Variants in ARHGEF3 observed in about 807,000 individuals in gnomAD.
ARHGEF3 encodes Rho guanine nucleotide exchange factor 3.
Under a neutral mutation model 63.2 loss-of-function variants are expected in ARHGEF3, and 28 were observed. The ratio of observed to expected loss-of-function variants is 0.44; its 90% confidence interval spans 0.33 to 0.61. ARHGEF3 has a LOEUF of 0.61. Among genes scored for constraint, ARHGEF3 ranks in the 20% least tolerant of loss-of-function variants. The probability of loss-of-function intolerance (pLI) is 0.03; values close to 1 mark genes in which losing one functional copy is unlikely to be tolerated. For missense variants in ARHGEF3, 533 were observed against 659.3 expected (o/e 0.81, Z 2.10); for synonymous variants, 266 against 254.2 (o/e 1.05, Z -0.44).
intron 1 of ARHGEF3, among the ~76,000 whole-genome samples, chr3:57,064,308 CT>C (rs138078621): frequency 8.0e-5 from 12 of 149,186 alleles, no homozygotes; most frequent in East Asian, 7.8e-4. Context: ...GAAATTCTTT[CT>C]TTTTTTTTTC....
chr3:56,875,521 A>G (rs1324548322), intron 4 of ARHGEF3, among the ~76,000 whole-genome samples: 1 of 152,238 alleles, frequency 6.6e-6, no homozygotes, highest in Non-Finnish European at 1.5e-5. Context: ...ACAGATCACA[A>G]CTATACCATA....
At chr3:56,961,578 G>A (rs1236872826) in intron 2 of ARHGEF3, among the ~76,000 whole-genome samples, 1 of 152,154 alleles carries the variant, frequency 6.6e-6, no homozygotes, top group East Asian at 1.9e-4. Flanking sequence ...AAAAGCATCA[G>A]AGCAAATCTG....
intron 1 of ARHGEF3, among the ~76,000 whole-genome samples, chr3:57,076,254 T>A (rs1579232983): frequency 6.6e-6 from 1 of 150,594 alleles, no homozygotes; most frequent in African/African-American, 2.4e-5. Context: ...GAAGGGTTAC[T>A]AAACTATGGC....
intron 9 of ARHGEF3, among the ~76,000 whole-genome samples, chr3:56,730,509 C>T (rs1276988736): frequency 6.6e-6 from 1 of 151,442 alleles, no homozygotes; most frequent in Non-Finnish European, 1.5e-5. Context: ...TCCTGAGTAG[C>T]TGGGATTACA....
intron 1 of ARHGEF3, among the ~76,000 whole-genome samples, chr3:57,077,734 A>T (rs1395640587): frequency 6.6e-6 from 1 of 152,112 alleles, no homozygotes; most frequent in Non-Finnish European, 1.5e-5. Flanking sequence ...CCTCCCCCCA[A>T]CCAAGAGGCA....
chr3:56,966,178 C>T (rs1311493946), intron 2 of ARHGEF3, among the ~76,000 whole-genome samples: 1 of 152,152 alleles, frequency 6.6e-6, no homozygotes, highest in East Asian at 1.9e-4. Context: ...ATGATTACCT[C>T]CAGGGAGAGA....
At chr3:56,855,142 G>A (rs970633526) in intron 4 of ARHGEF3, among the ~76,000 whole-genome samples, 3 of 152,094 alleles carry the variant, frequency 2.0e-5, no homozygotes, top group African/African-American at 4.8e-5. Flanking sequence ...GGCTGAGGTG[G>A]GTGGAGAGGA....
intron 1 of ARHGEF3, among the ~76,000 whole-genome samples, chr3:57,068,767 T>C (rs1386421669): frequency 6.6e-6 from 1 of 152,148 alleles, no homozygotes; most frequent in Non-Finnish European, 1.5e-5. Flanking sequence ...CTTCCTTGTT[T>C]TGGGGTTAGG....
chr3:57,047,919 C>T (rs1256631017), intron 1 of ARHGEF3, among the ~76,000 whole-genome samples: 1 of 152,050 alleles, frequency 6.6e-6, no homozygotes, highest in African/African-American at 2.4e-5. Context: ...ACTAAAATAC[C>T]CATGAGGAAC....
At chr3:56,979,323 GATATA>G (rs1161305449) in intron 2 of ARHGEF3, among the ~76,000 whole-genome samples, 10 of 152,226 alleles carry the variant, frequency 6.6e-5, no homozygotes, top group Non-Finnish European at 1.2e-4. Flanking sequence ...CTGAGACCCA[GATATA>G]TTCAACTGTT....
chr3:57,022,137 G>A (rs1703285566), intron 2 of ARHGEF3, among the ~76,000 whole-genome samples: 2 of 152,032 alleles, frequency 1.3e-5, no homozygotes, highest in Admixed American at 6.6e-5. Context: ...AGCCGGGCAC[G>A]GTGGCATGTG....
At chr3:56,804,895 A>G (rs1159191249), upstream of ARHGEF3, among the ~76,000 whole-genome samples, 1 of 152,166 alleles carries the variant, frequency 6.6e-6, no homozygotes, top group Non-Finnish European at 1.5e-5. Flanking sequence ...AGGCAGTGAC[A>G]TGCGTCACTC....
chr3:57,038,647 G>C (rs1704055699), intron 1 of ARHGEF3, among the ~76,000 whole-genome samples: 1 of 152,148 alleles, frequency 6.6e-6, no homozygotes, highest in African/African-American at 2.4e-5. Context: ...GTCTTGCTAT[G>C]TTGCCCAGGC....
At chr3:56,876,202 G>A (rs1370086512) in intron 4 of ARHGEF3, among the ~76,000 whole-genome samples, 2 of 152,182 alleles carry the variant, frequency 1.3e-5, no homozygotes, top group Admixed American at 1.3e-4. Flanking sequence ...AGGTGGAAGG[G>A]AGTGGTTCAG....
At position 56,947,844 on chromosome 3, in the gene ARHGEF3, C is replaced by A. The variant is rs34967535; in HGVS notation, c.129+10979G>T. ...ATATACATTCTTCTCAGCACCACACCGCACTTATTCCAAAATTGACCACAT... is the reference window on the plus strand; with the variant it reads ...ATATACATTCTTCTCAGCACCACACAGCACTTATTCCAAAATTGACCACAT... On this transcript the variant is annotated intron_variant, in intron 3 of 12. Coordinates refer to the ARHGEF3 transcript ENST00000338458. Among the ~76,000 whole-genome samples, 184 of 152,036 alleles carry A rather than the reference C, an allele frequency of 1.2e-3. 1 individual carries two copies. The highest frequency in any genetic ancestry group is 4.0e-3 in the African/African-American group (168 of 41,510).
At chr3:56,755,538 C>T (rs1237784783) in intron 2 of ARHGEF3, among the ~76,000 whole-genome samples, 4 of 152,168 alleles carry the variant, frequency 2.6e-5, no homozygotes, top group African/African-American at 9.7e-5. Flanking sequence ...TTTATTCAAA[C>T]ATTTGGCCAG....
intron 9 of ARHGEF3, among the ~76,000 whole-genome samples, 179 bp from the exon 10 acceptor site, chr3:56,729,801 G>A (rs1020547193): frequency 6.6e-6 from 1 of 152,146 alleles, no homozygotes; most frequent in Non-Finnish European, 1.5e-5. Flanking sequence ...TCAGGGAGAT[G>A]GGATTGACAC....
chr3:56,822,692 G>C (rs2038556915), intron 4 of ARHGEF3, among the ~76,000 whole-genome samples: 1 of 151,906 alleles, frequency 6.6e-6, no homozygotes, highest in Non-Finnish European at 1.5e-5. Context: ...ATCTGTACTA[G>C]AATTACAAAA....
intron 2 of ARHGEF3, among the ~76,000 whole-genome samples, chr3:57,029,547 G>GC (rs1560146823): frequency 6.6e-6 from 1 of 152,136 alleles, no homozygotes; most frequent in Non-Finnish European, 1.5e-5. Flanking sequence ...AGCAGATGTA[G>GC]GGAGCTGCCC....
Sources: allele counts gnomAD v4.1 joint callset (sites outside exome capture counted in the v4.1 genomes callset), GRCh38; gene constraint gnomAD v4.1.1; transcripts MANE v1.5; gene names NCBI Gene and HGNC (gene_info 2026-07-23, HGNC 2026-07-21).